The following CPE variants were observed in gnomAD, a reference collection of about 807,000 sequenced individuals.
CPE encodes carbocypeptidase E.
In CPE, 17 loss-of-function variants were observed where a neutral mutation model predicts 53.5. That is an observed-to-expected ratio of 0.32 (90% CI 0.22 to 0.48). CPE has a LOEUF of 0.48. Among genes scored for constraint, CPE ranks in the 20% least tolerant of loss-of-function variants. CPE has a pLI of 0.99. For missense variants in CPE, 524 were observed against 614.7 expected, an observed-to-expected ratio of 0.85 and a Z score of 1.56; for synonymous variants, 226 against 228.8, an observed-to-expected ratio of 0.99 and a Z score of 0.11.
At chr4:165,440,226 A>T (rs1190317230) in intron 1 of CPE, among the ~76,000 whole-genome samples, 1 of 152,112 alleles carries the variant, frequency 6.6e-6, no homozygotes, top group Non-Finnish European at 1.5e-5. Context: ...TCTGCCAGGG[A>T]TATATCAGTG....
At chr4:165,393,811 T>C (rs1730720703) in intron 1 of CPE, among the ~76,000 whole-genome samples, 2 of 152,180 alleles carry the variant, frequency 1.3e-5, no homozygotes, top group South Asian at 4.1e-4. Context: ...GCTATGGGTG[T>C]GCCGGAGGCG....
intron 1 of CPE, among the ~76,000 whole-genome samples, chr4:165,380,118 T>A (rs1730483840): frequency 6.6e-6 from 1 of 152,306 alleles, no homozygotes; most frequent in African/African-American, 2.4e-5. Flanking sequence ...TTAGGTACAC[T>A]CGCTGCTGTG....
chr4:165,452,411 ATATT>A (rs574124851), intron 1 of CPE, among the ~76,000 whole-genome samples: 39 of 152,252 alleles, frequency 2.6e-4, no homozygotes, highest in African/African-American at 9.2e-4. Flanking sequence ...GTATAATTAT[ATATT>A]TATGTACAAC....
chr4:165,485,775 A>G (rs1732496157), intron 5 of CPE, among the ~76,000 whole-genome samples: 1 of 152,230 alleles, frequency 6.6e-6, no homozygotes. Context: ...TCGCTTAACT[A>G]AACAGTCAAA....
intron 6 of CPE, among the ~76,000 whole-genome samples, chr4:165,489,869 A>G (rs1233513067): frequency 6.6e-6 from 1 of 152,254 alleles, no homozygotes; most frequent in East Asian, 1.9e-4. Context: ...TATGCCACGC[A>G]AAATAAGAAT....
Position 165,392,478 on chromosome 4 carries a change from A to G in CPE, c.307+12950A>G, listed in dbSNP as rs142637113. The stretch of plus-strand genomic sequence containing the variant: ...TATATGTAATATGTAATATACATAT[A>G]TCATATATTTACAATATATGATATA... On this transcript the variant is annotated intron_variant, in intron 1 of 8. Coordinates refer to ENST00000402744, the MANE Select transcript of CPE (RefSeq NM_001873.4). 2.5e-3 allele frequency among the ~76,000 whole-genome samples: 364 copies of G among 145,886 alleles called. 12 individuals are homozygous for G. The East Asian group carries it at 0.064, about 26-fold the overall frequency.
At chr4:165,411,925 A>T (rs529267027) in intron 1 of CPE, among the ~76,000 whole-genome samples, 8 of 152,182 alleles carry the variant, frequency 5.3e-5, no homozygotes, top group Admixed American at 2.6e-4. Flanking sequence ...ACGTTCCTCC[A>T]GGAGGAGGAA....
rs1732293319 is a variant in CPE at position 165,476,003 on chromosome 4, CAT to C, written c.673-6236_673-6235del. The stretch of plus-strand genomic sequence containing the variant: ...ATAGAGGTCCTTTACCACTGGGAAA[CAT>C]ATCCAAGTCATGTGGCACAAAGGTA... On this transcript the variant is annotated intron_variant, in intron 3 of 8. Coordinates refer to ENST00000402744, the MANE Select transcript of CPE (RefSeq NM_001873.4). Among the ~76,000 whole-genome samples the C allele has an allele frequency of 2.0e-5, 3 of 152,280 alleles. 1 individual carries two copies. In the Middle Eastern group the frequency reaches 0.01, roughly 518 times the overall value.
chr4:165,461,285 C>T (rs751456358), intron 1 of CPE, among the ~76,000 whole-genome samples: 5 of 151,764 alleles, frequency 3.3e-5, no homozygotes, highest in Non-Finnish European at 5.9e-5. Flanking sequence ...GAAGGCTGTG[C>T]GGATAAAATA....
chr4:165,468,185 CT>C (rs1732141996), intron 3 of CPE, among the ~76,000 whole-genome samples: 1 of 152,170 alleles, frequency 6.6e-6, no homozygotes, highest in Non-Finnish European at 1.5e-5. Flanking sequence ...CTCCTTTTCT[CT>C]TTTCCAGAAC....
At chr4:165,440,832 G>A (rs891230398) in intron 1 of CPE, among the ~76,000 whole-genome samples, 1 of 152,034 alleles carries the variant, frequency 6.6e-6, no homozygotes, top group Non-Finnish European at 1.5e-5. Context: ...CCGAGACCTG[G>A]AACTTGTTGG....
chr4:165,470,045 A>C (rs145566503), intron 3 of CPE, among the ~76,000 whole-genome samples: 2 of 152,330 alleles, frequency 1.3e-5, no homozygotes, highest in African/African-American at 4.8e-5. Flanking sequence ...AAATCCATAC[A>C]GGTCTTCAGC....
chr4:165,446,809 C>T (rs900268492), intron 1 of CPE, among the ~76,000 whole-genome samples: 1 of 152,206 alleles, frequency 6.6e-6, no homozygotes, highest in Non-Finnish European at 1.5e-5. Flanking sequence ...CTCAAATCAA[C>T]AACACTGCTG....
intron 1 of CPE, among the ~76,000 whole-genome samples, chr4:165,434,822 G>A (rs1315543735): frequency 2.0e-5 from 3 of 152,110 alleles, no homozygotes; most frequent in Non-Finnish European, 4.4e-5. Context: ...TTGACCCTTA[G>A]TGTTGGAGAT....
chr4:165,489,258 T>A (rs1201307891), intron 6 of CPE, among the ~76,000 whole-genome samples: 1 of 152,200 alleles, frequency 6.6e-6, no homozygotes, highest in East Asian at 1.9e-4. Flanking sequence ...ACAGTGCTTT[T>A]TATTTTAATA....
intron 6 of CPE, among the ~76,000 whole-genome samples, chr4:165,491,927 G>A (rs1732613739): frequency 6.6e-6 from 1 of 152,144 alleles, no homozygotes; most frequent in South Asian, 2.1e-4. Flanking sequence ...CCGATTGAGT[G>A]AGGCACAACC....
chr4:165,486,082 G>T (rs1032499556), intron 5 of CPE, among the ~76,000 whole-genome samples: 1 of 152,178 alleles, frequency 6.6e-6, no homozygotes, highest in African/African-American at 2.4e-5. Flanking sequence ...AGCCTTTGGT[G>T]GCTCCATATC....
chr4:165,438,978 T>A (rs1731560608), intron 1 of CPE, among the ~76,000 whole-genome samples: 1 of 152,198 alleles, frequency 6.6e-6, no homozygotes, highest in African/African-American at 2.4e-5. Context: ...GGTGCAAAGC[T>A]TCATATCTGT....
chr4:165,417,239 T>TA (rs35249703), intron 1 of CPE, among the ~76,000 whole-genome samples: 3 of 151,806 alleles, frequency 2.0e-5, no homozygotes, highest in African/African-American at 7.2e-5. Flanking sequence ...GTTTAGACTT[T>TA]AAAAAAAATG....
Sources: allele counts gnomAD v4.1 joint callset (sites outside exome capture counted in the v4.1 genomes callset), GRCh38; gene constraint gnomAD v4.1.1; transcripts MANE v1.5; gene names NCBI Gene and HGNC (gene_info 2026-07-23, HGNC 2026-07-21).